TAAR5: variants seen among roughly 807,000 people sequenced by gnomAD.
The protein encoded by TAAR5 is trace amine-associated receptor 5.
In TAAR5, 27 loss-of-function variants were observed where a neutral mutation model predicts 21.1. The ratio of observed to expected loss-of-function variants is 1.28; its 90% CI spans 0.94 to 1.76. The LOEUF is 1.76. Ranked by LOEUF, TAAR5 falls within the 40% of genes most tolerant of loss-of-function variation. The probability of loss-of-function intolerance (pLI) is 0.00; values close to 1 mark genes in which losing one functional copy is unlikely to be tolerated. For synonymous variants in TAAR5, 203 were observed against 167.5 expected, an observed-to-expected ratio of 1.21 and a Z score of -1.64; for missense variants, 495 against 405.6, an observed-to-expected ratio of 1.22 and a Z score of -1.89.
chr6:132,595,753 C>T, the TAAR5 span, among the ~76,000 whole-genome samples: 2 of 152,118 alleles, frequency 1.3e-5, no homozygotes, highest in Non-Finnish European at 2.9e-5. Flanking sequence ...CACAGGATTC[C>T]GAATCCGTAG....
the TAAR5 span, among the ~76,000 whole-genome samples, chr6:132,600,670 A>G: frequency 2.0e-5 from 3 of 152,168 alleles, no homozygotes; most frequent in Admixed American, 1.3e-4. Flanking sequence ...CCAGTAAACC[A>G]CTCTTAACTG....
the TAAR5 span, among the ~76,000 whole-genome samples, chr6:132,597,541 C>T: frequency 2.6e-5 from 4 of 151,988 alleles, no homozygotes; most frequent in African/African-American, 4.8e-5. Context: ...TTTGGAGATT[C>T]GCCTTCAGAA....
the TAAR5 span, among the ~76,000 whole-genome samples, chr6:132,596,070 A>G: frequency 2.0e-5 from 3 of 152,224 alleles, no homozygotes; most frequent in Non-Finnish European, 4.4e-5. Flanking sequence ...AGGATCACAA[A>G]GTTATAGGTG....
At chr6:132,606,687 A>T in the TAAR5 span, among the ~76,000 whole-genome samples, 1 of 152,186 alleles carries the variant, frequency 6.6e-6, no homozygotes, top group Non-Finnish European at 1.5e-5. Context: ...GGGAATAAAA[A>T]CTGTAACGAT....
chr6:132,608,985 G>C, the TAAR5 span: 1 of 455,922 alleles, frequency 2.2e-6, no homozygotes, highest in Non-Finnish European at 4.4e-6. Flanking sequence ...CATCCCCAAA[G>C]TACCAGCAAC....
chr6:132,607,017 G>A, the TAAR5 span, among the ~76,000 whole-genome samples: 2 of 151,920 alleles, frequency 1.3e-5, no homozygotes, highest in Non-Finnish European at 2.9e-5. Context: ...ACAACATGAC[G>A]AAACCCTGTC....
the TAAR5 span, among the ~76,000 whole-genome samples, chr6:132,599,346 T>C: frequency 3.1e-5 from 3 of 96,836 alleles, no homozygotes; most frequent in Admixed American, 9.4e-5. Context: ...TTTTTTTTTT[T>C]TTTGACGGAG....
At position 132,588,620 on chromosome 6, in the gene TAAR5, C is replaced by A; in HGVS notation, c.*53G>T. On this transcript the variant is annotated 3_prime_UTR_variant, in exon 1 of 1. Coordinates refer to ENST00000258034, the MANE Select transcript of TAAR5 (RefSeq NM_003967.3). ...CACCACACAGCCCACGGTCACAGTG[C>A]CACTTATCTTTCCTGTGAGGTCCTA... is the stretch of plus-strand genomic sequence containing the variant. 1 of 1,556,376 alleles carries A rather than the reference C, an allele frequency of 6.4e-7. No homozygotes were observed.
chr6:132,601,753 T>C, the TAAR5 span, among the ~76,000 whole-genome samples: 6 of 152,212 alleles, frequency 3.9e-5, no homozygotes, highest in East Asian at 1.2e-3. Context: ...GAAACTCTAA[T>C]ATGTGACAGT....
chr6:132,596,507 A>G, the TAAR5 span, among the ~76,000 whole-genome samples: 3 of 152,194 alleles, frequency 2.0e-5, no homozygotes, highest in Non-Finnish European at 2.9e-5. Context: ...AGACATTAAT[A>G]AAAATACAAG....
upstream of TAAR5, among the ~76,000 whole-genome samples, chr6:132,590,515 T>C (rs1048445411): frequency 1.3e-5 from 2 of 152,232 alleles, no homozygotes; most frequent in African/African-American, 4.8e-5. Context: ...TCAGAATCCC[T>C]TCCTGGGAAA....
the TAAR5 span, chr6:132,595,275 T>A: frequency 6.5e-6 from 1 of 153,074 alleles, no homozygotes; most frequent in South Asian, 2.1e-4. Flanking sequence ...TGGAAATCAT[T>A]ACGATCATGT....
At chr6:132,593,052 C>A (rs942092596), upstream of TAAR5, among the ~76,000 whole-genome samples, 1 of 152,164 alleles carries the variant, frequency 6.6e-6, no homozygotes, top group Non-Finnish European at 1.5e-5. Context: ...TTCCTCATGC[C>A]GATCTTCAGG....
rs762064070 is a variant in TAAR5, at chr6:132,589,468, C to T, written c.219G>A (p.Leu73=). The change falls in exon 1 of 1, where the codon CTG becomes CTA. Residue 73 remains leucine (L), a synonymous_variant. Coordinates refer to ENST00000258034, the MANE Select transcript of TAAR5 (RefSeq NM_003967.3). The stretch of plus-strand genomic sequence containing the variant: ...ACATGTCAGCCAGGGCCAGGGAGAG[C>T]AGCAGGAAGTTGGTGGGCGTGTGAA... ...KALHTPTNFL[L]LSLALADMFL... The T allele has an allele frequency of 1.2e-6, 2 of 1,613,616 alleles. No individual in the cohort carries two copies. The highest frequency in any genetic ancestry group is 1.7e-5 in the Admixed American group (1 of 59,958).
rs1458524757 is a variant in TAAR5, at chr6:132,589,476, A to T, written c.211T>A (p.Phe71Ile). ...GCCAGGGCCAGGGAGAGCAGCAGGA[A>T]GTTGGTGGGCGTGTGAAGCGCTTTG... ...YFKALHTPTN[F>I]LLLSLALADM... is the part of the protein sequence containing the mutation. Residue 71 changes from phenylalanine to isoleucine, a missense_variant, in exon 1 of 1, where the codon TTC becomes ATC. Physicochemically the swap from Phe to Ile is conservative, Grantham distance 21. Coordinates refer to ENST00000258034, the MANE Select transcript of TAAR5 (RefSeq NM_003967.3). 13 of 1,613,842 alleles carry T rather than the reference A, an allele frequency of 8.1e-6. No homozygotes were observed. The highest frequency in any genetic ancestry group is 1.0e-5 in the Non-Finnish European group (12 of 1,179,940).
the TAAR5 span, among the ~76,000 whole-genome samples, chr6:132,599,754 C>T: frequency 7.2e-4 from 109 of 152,230 alleles, 3 homozygotes; most frequent in South Asian, 0.022. Flanking sequence ...ATGGGGATGG[C>T]TGGAAATGTT....
chr6:132,592,619 G>A (rs1776922728), upstream of TAAR5, among the ~76,000 whole-genome samples: 1 of 152,164 alleles, frequency 6.6e-6, no homozygotes, highest in Non-Finnish European at 1.5e-5. Flanking sequence ...TCTTTTGATA[G>A]TGAATGAGTT....
Position 132,588,607 on chromosome 6 carries a change from C to T in TAAR5, c.*66G>A. The T allele has an allele frequency of 6.5e-7, 1 of 1,536,850 alleles. No individual in the cohort carries two copies. Among genetic ancestry groups the T allele is most frequent in the Non-Finnish European group, 8.8e-7 (1 of 1,132,496 alleles). The stretch of plus-strand genomic sequence containing the variant: ...CCCACAAACTCAACACCACACAGCC[C>T]ACGGTCACAGTGCCACTTATCTTTC... On this transcript the variant is annotated 3_prime_UTR_variant, in exon 1 of 1. Coordinates refer to ENST00000258034, the MANE Select transcript of TAAR5 (RefSeq NM_003967.3).
upstream of TAAR5, among the ~76,000 whole-genome samples, chr6:132,591,098 T>C (rs1776899779): frequency 6.6e-6 from 1 of 152,188 alleles, no homozygotes; most frequent in Non-Finnish European, 1.5e-5. Context: ...GGAAGAATAG[T>C]TAAATTCCTG....
Sources: gnomAD v4.1 joint callset for allele counts (sites outside exome capture counted in the v4.1 genomes callset) on GRCh38, gnomAD v4.1.1 for gene constraint, MANE v1.5 for transcripts, NCBI Gene and HGNC (gene_info 2026-07-23, HGNC 2026-07-21) for gene names.